DGKB: variants seen among roughly 807,000 people sequenced by gnomAD.
DGKB encodes the protein diacylglycerol kinase beta.
A neutral mutation model predicts 114.3 loss-of-function variants in DGKB; 67 were observed. That is an observed-to-expected ratio of 0.59 (90% confidence interval 0.48 to 0.72). The LOEUF (loss-of-function observed/expected upper bound fraction) is 0.72, where lower values mean the gene tolerates loss of function less well. Among genes scored for constraint, DGKB ranks in the 30% least tolerant of loss-of-function variants. DGKB has a pLI of 0.00. For missense variants in DGKB, 907 were observed against 975.2 expected, an observed-to-expected ratio of 0.93 and a Z score of 0.93; for synonymous variants, 398 against 323.1, an observed-to-expected ratio of 1.23 and a Z score of -2.49.
chr7:14,944,499 G>T (rs1785753525), intron 1 of DGKB, among the ~76,000 whole-genome samples: 1 of 151,826 alleles, frequency 6.6e-6, no homozygotes, highest in African/African-American at 2.4e-5. Context: ...AATTTTTAGA[G>T]AACTTTTCTA....
At chr7:14,483,944 CA>C (rs1161496381) in intron 20 of DGKB, among the ~76,000 whole-genome samples, 2 of 151,628 alleles carry the variant, frequency 1.3e-5, no homozygotes, top group Non-Finnish European at 2.9e-5. Context: ...AACTGTGAGA[CA>C]ATACATTTCT....
At chr7:14,636,571 G>T (rs1022674481) in intron 13 of DGKB, among the ~76,000 whole-genome samples, 1 of 151,726 alleles carries the variant, frequency 6.6e-6, no homozygotes, top group Non-Finnish European at 1.5e-5. Flanking sequence ...ACATACATCG[G>T]TGTGTGTCAT....
intron 21 of DGKB, among the ~76,000 whole-genome samples, chr7:14,431,767 T>C (rs902687219): frequency 1.3e-5 from 2 of 152,100 alleles, no homozygotes; most frequent in Admixed American, 1.3e-4. Flanking sequence ...ACTGATACAT[T>C]CTTGAGAAAG....
At chr7:14,431,513 T>C (rs1016846904) in intron 21 of DGKB, among the ~76,000 whole-genome samples, 2 of 152,138 alleles carry the variant, frequency 1.3e-5, no homozygotes, top group African/African-American at 4.8e-5. Context: ...TGACACCATG[T>C]CACGAACCAA....
intron 1 of DGKB, among the ~76,000 whole-genome samples, chr7:14,967,568 AC>A (rs1397866846): frequency 3.5e-5 from 5 of 142,128 alleles, no homozygotes; most frequent in Non-Finnish European, 7.5e-5. Flanking sequence ...TGATTCATTC[AC>A]CTCGGCCTCC....
At chr7:14,536,885 A>T (rs1792599592) in intron 20 of DGKB, among the ~76,000 whole-genome samples, 1 of 152,156 alleles carries the variant, frequency 6.6e-6, no homozygotes, top group African/African-American at 2.4e-5. Flanking sequence ...GAAGAAATAA[A>T]ATAATATCTG....
chr7:14,278,809 AAAAT>A (rs1350162235), intron 23 of DGKB, among the ~76,000 whole-genome samples: 2 of 152,224 alleles, frequency 1.3e-5, no homozygotes, highest in African/African-American at 2.4e-5. Flanking sequence ...CAATAGGAAG[AAAAT>A]AAATAACCCA....
intron 21 of DGKB, among the ~76,000 whole-genome samples, chr7:14,460,357 T>C (rs1037312555): frequency 6.6e-6 from 1 of 150,960 alleles, no homozygotes; most frequent in South Asian, 2.1e-4. Flanking sequence ...GAGACCCACC[T>C]CACATGCAAA....
chr7:14,932,830 T>A (rs1311918061), intron 1 of DGKB, among the ~76,000 whole-genome samples: 1 of 152,176 alleles, frequency 6.6e-6, no homozygotes, highest in Non-Finnish European at 1.5e-5. Context: ...TCCAGGCAAC[T>A]GGTGTTGGTA....
chr7:14,589,940 T>C (rs1441024334), intron 17 of DGKB, among the ~76,000 whole-genome samples: 1 of 151,112 alleles, frequency 6.6e-6, no homozygotes, highest in Admixed American at 6.6e-5. Context: ...TTACGATTTT[T>C]TGTGGAAGAA....
intron 2 of DGKB, among the ~76,000 whole-genome samples, chr7:14,768,845 T>C (rs1403949779): frequency 1.3e-5 from 2 of 151,970 alleles, no homozygotes; most frequent in African/African-American, 4.8e-5. Flanking sequence ...ATAATCTTGA[T>C]TTGTACAAAA....
chr7:14,561,323 A>G (rs2128670797), intron 20 of DGKB, among the ~76,000 whole-genome samples: 2 of 152,272 alleles, frequency 1.3e-5, no homozygotes, highest in East Asian at 3.9e-4. Flanking sequence ...CTGTGAGTTT[A>G]TTAACCCTAT....
chr7:14,177,692 T>G (rs886202053), intron 24 of DGKB, among the ~76,000 whole-genome samples: 1 of 152,062 alleles, frequency 6.6e-6, no homozygotes, highest in Non-Finnish European at 1.5e-5. Context: ...CAATGGTGTC[T>G]CATCATTGTT....
At chr7:14,152,723 A>T (rs982556113) in intron 25 of DGKB, among the ~76,000 whole-genome samples, 1 of 152,154 alleles carries the variant, frequency 6.6e-6, no homozygotes, top group Non-Finnish European at 1.5e-5. Flanking sequence ...AGAAACCAGT[A>T]ACAGAATCAA....
intron 20 of DGKB, among the ~76,000 whole-genome samples, chr7:14,545,544 T>C (rs1794143208): frequency 6.6e-6 from 1 of 152,088 alleles, no homozygotes; most frequent in African/African-American, 2.4e-5. Context: ...CCAAAGAGGA[T>C]AATAAAACAG....
At chr7:14,160,155 C>T (rs1783659870) in intron 25 of DGKB, among the ~76,000 whole-genome samples, 1 of 152,054 alleles carries the variant, frequency 6.6e-6, no homozygotes, top group Non-Finnish European at 1.5e-5. Flanking sequence ...ATGACAAACC[C>T]ACAGCCAATA....
chr7:14,552,468 A>G (rs956951293), intron 20 of DGKB, among the ~76,000 whole-genome samples: 4 of 152,198 alleles, frequency 2.6e-5, no homozygotes, highest in Non-Finnish European at 5.9e-5. Flanking sequence ...CATAAAGAGT[A>G]TATTTTGCAA....
intron 1 of DGKB, among the ~76,000 whole-genome samples, chr7:14,853,101 A>G (rs1849623607): frequency 6.6e-6 from 1 of 152,182 alleles, no homozygotes; most frequent in African/African-American, 2.4e-5. Context: ...CTGTTATTCA[A>G]CCTCAAAACA....
At chr7:14,858,108 C>T (rs879641473) in intron 1 of DGKB, among the ~76,000 whole-genome samples, 1 of 152,068 alleles carries the variant, frequency 6.6e-6, no homozygotes, top group Non-Finnish European at 1.5e-5. Flanking sequence ...GAGTGAGGAA[C>T]GGGTATTTGA....
Sources: allele counts gnomAD v4.1 joint callset (sites outside exome capture counted in the v4.1 genomes callset), GRCh38; gene constraint gnomAD v4.1.1; transcripts MANE v1.5; gene names NCBI Gene and HGNC (gene_info 2026-07-23, HGNC 2026-07-21).